The following ROR2 variants were observed in gnomAD, a reference collection of about 807,000 sequenced individuals.
The protein encoded by ROR2 is tyrosine-protein kinase transmembrane receptor ROR2.
A neutral mutation model predicts 74.9 loss-of-function variants in ROR2; 33 were observed. The ratio of observed to expected loss-of-function variants is 0.44; its 90% CI spans 0.33 to 0.59. ROR2 has a LOEUF of 0.59. Ranked by LOEUF, ROR2 falls within the 20% of genes least tolerant of loss-of-function variation. ROR2 has a pLI of 0.02. For synonymous variants in ROR2, 586 were observed against 558.7 expected (o/e 1.05, Z -0.69); for missense variants, 1,216 against 1,313.8 (o/e 0.93, Z 1.15).
chr9:91,797,017 C>A (rs1290355129), intron 1 of ROR2, among the ~76,000 whole-genome samples: 1 of 114,572 alleles, frequency 8.7e-6, no homozygotes, highest in African/African-American at 3.7e-5. Context: ...GTGGGCGGGG[C>A]TGACACCCTG....
chr9:91,851,362 A>AG (rs932324117), intron 1 of ROR2, among the ~76,000 whole-genome samples: 9 of 151,968 alleles, frequency 5.9e-5, no homozygotes, highest in African/African-American at 2.2e-4. Context: ...TCAAAAAAAA[A>AG]AAAAAGAAAA....
chr9:91,862,171 G>GA (rs1053804257), intron 1 of ROR2, among the ~76,000 whole-genome samples: 1 of 151,076 alleles, frequency 6.6e-6, no homozygotes, highest in Admixed American at 6.6e-5. Flanking sequence ...AAAATACAAA[G>GA]AAAAAAAAAT....
intron 1 of ROR2, among the ~76,000 whole-genome samples, chr9:91,903,120 A>G (rs2119438850): frequency 6.6e-6 from 1 of 151,774 alleles, no homozygotes; most frequent in East Asian, 1.9e-4. Context: ...TACTATGATA[A>G]AGAAAAAAAT....
chr9:91,731,529 C>A (rs1408468539), intron 6 of ROR2, among the ~76,000 whole-genome samples: 1 of 152,212 alleles, frequency 6.6e-6, no homozygotes, highest in African/African-American at 2.4e-5. Flanking sequence ...TCTCAGGACA[C>A]CCTGCTCAGC....
intron 2 of ROR2, among the ~76,000 whole-genome samples, chr9:91,772,743 C>T (rs114005703): frequency 2.6e-4 from 40 of 152,286 alleles, no homozygotes; most frequent in African/African-American, 9.6e-4. Flanking sequence ...ACGCACTGAA[C>T]ACACATGGTT....
chr9:91,913,930 T>A (rs573937092), intron 1 of ROR2, among the ~76,000 whole-genome samples: 1 of 152,116 alleles, frequency 6.6e-6, no homozygotes, highest in African/African-American at 2.4e-5. Flanking sequence ...CCACCCAGTG[T>A]ACACACTGAA....
At chr9:91,838,512 C>T (rs16907863) in intron 1 of ROR2, among the ~76,000 whole-genome samples, 1 of 152,200 alleles carries the variant, frequency 6.6e-6, no homozygotes, top group Non-Finnish European at 1.5e-5. Flanking sequence ...AGACAAGACA[C>T]GAAAACACCC....
chr9:91,872,120 C>G (rs932315935), intron 1 of ROR2, among the ~76,000 whole-genome samples: 11 of 152,208 alleles, frequency 7.2e-5, no homozygotes, highest in African/African-American at 2.7e-4. Context: ...TTCATTTTCT[C>G]CACAAATAAT....
At chr9:91,943,537 ACTT>A (rs1355501347) in intron 1 of ROR2, among the ~76,000 whole-genome samples, 1 of 151,852 alleles carries the variant, frequency 6.6e-6, no homozygotes, top group Non-Finnish European at 1.5e-5. Context: ...CTATTAACAC[ACTT>A]CTTATCTGTC....
intron 4 of ROR2, among the ~76,000 whole-genome samples, chr9:91,749,270 C>CT (rs1825531304): frequency 6.6e-6 from 1 of 152,164 alleles, no homozygotes; most frequent in Non-Finnish European, 1.5e-5. Context: ...ATATCATAGA[C>CT]GGTGGCTTAA....
chr9:91,893,128 G>A (rs1350101126), intron 1 of ROR2, among the ~76,000 whole-genome samples: 1 of 152,132 alleles, frequency 6.6e-6, no homozygotes, highest in Non-Finnish European at 1.5e-5. Context: ...CAGCATGCCT[G>A]GCACTGGAAG....
intron 1 of ROR2, among the ~76,000 whole-genome samples, chr9:91,929,464 A>C (rs1831495591): frequency 6.6e-6 from 1 of 152,220 alleles, no homozygotes; most frequent in South Asian, 2.1e-4. Flanking sequence ...TAACCCGTGG[A>C]GAGGGGGTTC....
chr9:91,793,582 G>A (rs188758367), intron 1 of ROR2, among the ~76,000 whole-genome samples: 1 of 152,056 alleles, frequency 6.6e-6, no homozygotes, highest in African/African-American at 2.4e-5. Context: ...CCAACATAGT[G>A]AAACTCTGTC....
At chr9:91,915,603 A>G (rs1480057582) in intron 1 of ROR2, among the ~76,000 whole-genome samples, 1 of 143,706 alleles carries the variant, frequency 7.0e-6, no homozygotes, top group East Asian at 2.3e-4. Flanking sequence ...TTCCACAGCC[A>G]TGGAAGGGAA....
At chr9:91,799,230 G>A (rs970815115) in intron 1 of ROR2, among the ~76,000 whole-genome samples, 5 of 152,132 alleles carry the variant, frequency 3.3e-5, no homozygotes, top group African/African-American at 1.2e-4. Context: ...CTGCCCCAGG[G>A]GACACTGCCA....
intron 1 of ROR2, among the ~76,000 whole-genome samples, chr9:91,934,115 G>GT (rs1367441599): frequency 2.0e-5 from 3 of 152,088 alleles, no homozygotes; most frequent in African/African-American, 7.2e-5. Flanking sequence ...ATGCGGGGGG[G>GT]CGAGTGAAAA....
rs927561032 is a variant in ROR2 at position 91,928,502 on chromosome 9, G to T, written c.97+21365C>A. On this transcript the variant is annotated intron_variant, in intron 1 of 8. Transcript: ENST00000375708. ...TACACCACTCTGACGTGGGCTCACCGCTGACCCTGGGCAAGGAAAGAGGCA... is the reference window on the plus strand; with the variant it reads ...TACACCACTCTGACGTGGGCTCACCTCTGACCCTGGGCAAGGAAAGAGGCA... Among the ~76,000 whole-genome samples, 14 of 152,292 alleles carry T rather than the reference G, an allele frequency of 9.2e-5. 1 individual carries two copies. The highest frequency in any genetic ancestry group is 6.8e-3 in the Middle Eastern group (2 of 294).
chr9:91,814,728 G>A (rs1338129754), intron 1 of ROR2, among the ~76,000 whole-genome samples: 1 of 152,186 alleles, frequency 6.6e-6, no homozygotes, highest in Non-Finnish European at 1.5e-5. Flanking sequence ...AAATGACAGG[G>A]TTCTGCCTTT....
At chr9:91,828,061 C>T (rs2119173455) in intron 1 of ROR2, among the ~76,000 whole-genome samples, 1 of 152,352 alleles carries the variant, frequency 6.6e-6, no homozygotes, top group South Asian at 2.1e-4. Flanking sequence ...TCCAGCATCC[C>T]TGAAAAGTCC....
Sources: allele counts gnomAD v4.1 joint callset (sites outside exome capture counted in the v4.1 genomes callset), GRCh38; gene constraint gnomAD v4.1.1; transcripts MANE v1.5; gene names NCBI Gene and HGNC (gene_info 2026-07-23, HGNC 2026-07-21).